RALGAPA1: variants seen among roughly 807,000 people sequenced by gnomAD.
RALGAPA1 encodes the protein Ral GTPase activating protein catalytic subunit alpha 1.
A neutral mutation model predicts 269.6 loss-of-function variants in RALGAPA1; 52 were observed. That is an observed-to-expected ratio of 0.19 (90% CI 0.15 to 0.24). RALGAPA1 has a LOEUF of 0.24. Among genes scored for constraint, RALGAPA1 ranks in the 10% least tolerant of loss-of-function variants. The pLI is 1.00. For synonymous variants in RALGAPA1, 817 were observed against 1,008.3 expected (o/e 0.81, Z 3.60); for missense variants, 1,917 against 3,013.9 (o/e 0.64, Z 8.52).
At chr14:35,785,386 T>C (rs918383056) in intron 1 of RALGAPA1, among the ~76,000 whole-genome samples, 3 of 152,198 alleles carry the variant, frequency 2.0e-5, no homozygotes, top group Non-Finnish European at 4.4e-5. Context: ...TGAGAACCAT[T>C]TGAATAAATA....
chr14:35,655,669 G>C (rs1159235506), intron 29 of RALGAPA1, 138 bp downstream of exon 29: 1 of 1,274,918 alleles, frequency 7.8e-7, no homozygotes, highest in Non-Finnish European at 1.0e-6. Context: ...TAAGGAATGA[G>C]TCAGGATCAA....
chr14:35,573,312 G>A lies in RALGAPA1; in HGVS notation c.7210-594C>T, dbSNP rs146790634. Among the ~76,000 whole-genome samples, 7 of 152,222 alleles carry A rather than the reference G, an allele frequency of 4.6e-5. No homozygotes were observed. The East Asian group carries it at 1.3e-3, about 29-fold the overall frequency. ...TCAGAAGTTGGATTTCTAATAAGGT[G>A]TTAAAAAAATGAACTTAATGCCCTT... On this transcript the variant is annotated intron_variant, in intron 37 of 41. Transcript: ENST00000680220.
Position 35,686,622 on chromosome 14 carries a change from C to A in RALGAPA1, c.3997G>T (p.Asp1333Tyr). ...ACATTAGCACTGCTGCCGCCAATATCACTATTAAGAGGAGGCAGTTTTTGG... is the reference window on the plus strand; with the variant it reads ...ACATTAGCACTGCTGCCGCCAATATAACTATTAAGAGGAGGCAGTTTTTGG... The part of the protein sequence containing the change: ...MSQKLPPLNS[D>Y]IGGSSANVPD... The change falls in exon 19 of 42, where the codon GAT becomes TAT. Residue 1333 changes from aspartate (D) to tyrosine (Y), a missense_variant. Transcript: ENST00000680220. 1.2e-6 allele frequency: 2 copies of A among 1,606,696 alleles called. No individual in the cohort carries two copies. The highest frequency in any genetic ancestry group is 1.7e-6 in the Non-Finnish European group (2 of 1,175,420).
intron 37 of RALGAPA1, among the ~76,000 whole-genome samples, chr14:35,590,567 C>G (rs2058573492): frequency 6.6e-6 from 1 of 152,304 alleles, no homozygotes; most frequent in South Asian, 2.1e-4. Flanking sequence ...CACTCCGTGG[C>G]CTGCCGCCAT....
chr14:35,600,277 C>T (rs1045543042), intron 36 of RALGAPA1, among the ~76,000 whole-genome samples: 1 of 142,328 alleles, frequency 7.0e-6, no homozygotes, highest in Non-Finnish European at 1.5e-5. Context: ...ATCACCCAGG[C>T]TGGAGAGCAG....
At position 35,703,396 on chromosome 14, in the gene RALGAPA1, T is replaced by C. The variant is rs148423774; in HGVS notation, c.2267-3094A>G. Among the ~76,000 whole-genome samples the C allele has an allele frequency of 4.1e-3, 629 of 152,272 alleles. 3 individuals are homozygous for C. Among genetic ancestry groups the C allele is most frequent in the African/African-American group, 0.015 (607 of 41,554 alleles). ...CGATGGCTGGAGGTGAGAGGATCACTTGAGCCCAGGAGGTCAACGCTACAA... is the reference window on the plus strand; with the variant it reads ...CGATGGCTGGAGGTGAGAGGATCACCTGAGCCCAGGAGGTCAACGCTACAA... On this transcript the variant is annotated intron_variant, in intron 16 of 41. Transcript: ENST00000680220.
intron 39 of RALGAPA1, among the ~76,000 whole-genome samples, chr14:35,554,657 T>C (rs1468377366): frequency 6.6e-6 from 1 of 152,208 alleles, no homozygotes; most frequent in Non-Finnish European, 1.5e-5. Flanking sequence ...AAATACACTT[T>C]CTTAAGAAAT....
chr14:35,636,847 T>C lies in RALGAPA1; in HGVS notation c.5677-1249A>G, dbSNP rs1358644654. 3.9e-5 allele frequency among the ~76,000 whole-genome samples: 6 copies of C among 152,242 alleles called. No individual in the cohort carries two copies. The East Asian group carries it at 1.2e-3, about 29-fold the overall frequency. ...CGAATTATCTGTAAGTAGAAAAATA[T>C]GCAGCAAATCCCAGCATCTTTCTCC... On this transcript the variant is annotated intron_variant, in intron 31 of 41. Coordinates refer to ENST00000680220, the MANE Select transcript of RALGAPA1 (RefSeq NM_001346249.2).
At chr14:35,546,880 A>C (rs2054508898) in intron 41 of RALGAPA1, among the ~76,000 whole-genome samples, 1 of 152,086 alleles carries the variant, frequency 6.6e-6, no homozygotes, top group Non-Finnish European at 1.5e-5. Context: ...ATTTGAGATA[A>C]CTGGAAAAAA....
intron 31 of RALGAPA1, among the ~76,000 whole-genome samples, chr14:35,647,690 C>T (rs1020209687): frequency 5.9e-5 from 9 of 152,228 alleles, no homozygotes; most frequent in Middle Eastern, 3.4e-3. Context: ...TGGTGGCTCA[C>T]GCCTGTAATC....
At chr14:35,793,203 T>C (rs960072159) in intron 1 of RALGAPA1, among the ~76,000 whole-genome samples, 2 of 152,090 alleles carry the variant, frequency 1.3e-5, no homozygotes, top group African/African-American at 4.8e-5. Context: ...AGTAGACGTA[T>C]TCATCACCTA....
chr14:35,610,121 C>A (rs2059837769), intron 35 of RALGAPA1, among the ~76,000 whole-genome samples: 1 of 150,858 alleles, frequency 6.6e-6, no homozygotes, highest in Non-Finnish European at 1.5e-5. Flanking sequence ...CTAGACTAAG[C>A]AATAAAAAAA....
intron 41 of RALGAPA1, among the ~76,000 whole-genome samples, chr14:35,548,240 AG>A (rs111922837): frequency 1.3e-5 from 2 of 152,146 alleles, no homozygotes; most frequent in South Asian, 2.1e-4. Flanking sequence ...CAGAAAAAAA[AG>A]GTCAATATAA....
At chr14:35,562,569 T>C (rs1354589876) in intron 39 of RALGAPA1, among the ~76,000 whole-genome samples, 1 of 152,212 alleles carries the variant, frequency 6.6e-6, no homozygotes, top group African/African-American at 2.4e-5. Context: ...CCCTTGTATG[T>C]GTGCTAGCCT....
chr14:35,747,497 A>T (rs2072227327), intron 10 of RALGAPA1, among the ~76,000 whole-genome samples: 1 of 152,150 alleles, frequency 6.6e-6, no homozygotes, highest in Admixed American at 6.6e-5. Flanking sequence ...AATGAAAATG[A>T]GTTTGTTTCT....
intron 30 of RALGAPA1, among the ~76,000 whole-genome samples, chr14:35,652,625 G>A (rs1282497258): frequency 6.6e-6 from 1 of 151,748 alleles, no homozygotes; most frequent in Admixed American, 6.6e-5. Context: ...GGCTGGTCTC[G>A]AACTCCTAAC....
intron 11 of RALGAPA1, among the ~76,000 whole-genome samples, chr14:35,741,080 C>G (rs747572136): frequency 2.0e-5 from 3 of 152,150 alleles, no homozygotes; most frequent in Non-Finnish European, 4.4e-5. Context: ...CACAACATAC[C>G]TAACATCACC....
chr14:35,689,692 T>A lies in RALGAPA1; in HGVS notation c.2719A>T (p.Ile907Leu). Residue 907 changes from isoleucine to leucine, a missense_variant, in exon 18 of 42, where the codon ATA becomes TTA. Ile to Leu is a conservative substitution (Grantham distance 5). Coordinates refer to ENST00000680220, the MANE Select transcript of RALGAPA1 (RefSeq NM_001346249.2). Reference sequence around the variant, plus strand: ...ATTAAATGACAAAGATGGTCATATATGCTATCACCAACTTCCAGAGAAGAC... The same window carrying A: ...ATTAAATGACAAAGATGGTCATATAAGCTATCACCAACTTCCAGAGAAGAC... Reference protein sequence around the residue: ...RESSLEVGDSIYDHLCHLIGP... With the variant: ...RESSLEVGDSLYDHLCHLIGP... 7.2e-7 allele frequency: 1 copy of A among 1,392,638 alleles called. No homozygotes were observed. Among genetic ancestry groups the A allele is most frequent in the Non-Finnish European group, 9.3e-7 (1 of 1,074,590 alleles). 86.3% of individuals were successfully genotyped at this position (1,392,638 alleles called of 1,614,324 possible). A position where few individuals can be genotyped will look rare whatever the true frequency, so the allele number is the denominator to read the frequency against.
intron 15 of RALGAPA1, 25 bp downstream of exon 15, chr14:35,723,002 G>T: frequency 6.9e-7 from 1 of 1,440,050 alleles, no homozygotes. Flanking sequence ...AATTTATATA[G>T]AGCATCTCTA....
Sources: allele counts gnomAD v4.1 joint callset (sites outside exome capture counted in the v4.1 genomes callset), GRCh38; gene constraint gnomAD v4.1.1; transcripts MANE v1.5; gene names NCBI Gene and HGNC (gene_info 2026-07-23, HGNC 2026-07-21).